VPS35L: variants seen among roughly 807,000 people sequenced by gnomAD.
VPS35L encodes the protein VPS35 endosomal protein sorting factor like, also known as VPS35 endosomal protein-sorting factor-like.
In VPS35L, 83 loss-of-function variants were observed where a neutral mutation model predicts 133.0. The observed-to-expected ratio is 0.62, with a 90% CI of 0.52 to 0.75. VPS35L has a LOEUF of 0.75. VPS35L is among the 30% of genes least tolerant of loss of function. The pLI, the probability that VPS35L is intolerant of heterozygous loss-of-function variation, is 0.00. For synonymous variants in VPS35L, 423 were observed against 449.9 expected (o/e 0.94, Z 0.76); for missense variants, 1,083 against 1,206.8 (o/e 0.90, Z 1.52).
chr16:19,700,505 C>A lies in VPS35L; in HGVS notation c.*29C>A. The A allele has an allele frequency of 6.4e-7, 1 of 1,569,590 alleles. No individual in the cohort carries two copies. The highest frequency in any genetic ancestry group is 8.8e-7 in the Non-Finnish European group (1 of 1,140,068). ...CCGGGCCCATCCCCAGGCTCAGGGA[C>A]TCTGGTGCCAAATCCAGAAAGATCT... On this transcript the variant is annotated 3_prime_UTR_variant, in exon 31 of 31. Transcript: ENST00000417362.
chr16:19,583,543 C>A (rs964410259), intron 7 of VPS35L, among the ~76,000 whole-genome samples: 2 of 151,968 alleles, frequency 1.3e-5, no homozygotes, highest in African/African-American at 4.8e-5. Flanking sequence ...CATTCAAAAT[C>A]TTCTCCTCTA....
At chr16:19,684,084 C>T (rs1975376915) in intron 28 of VPS35L, among the ~76,000 whole-genome samples, 1 of 152,176 alleles carries the variant, frequency 6.6e-6, no homozygotes, top group Non-Finnish European at 1.5e-5. Context: ...GCAACTGCTC[C>T]TCAGATGATG....
chr16:19,570,834 C>CTCATATAT (rs1971339682), intron 3 of VPS35L, among the ~76,000 whole-genome samples: 1 of 78,796 alleles, frequency 1.3e-5, no homozygotes, highest in African/African-American at 3.9e-5. Context: ...TGCTGTGTTT[C>CTCATATAT]ATATATATAT....
intron 1 of VPS35L, 89 bp from the exon 2 acceptor site, chr16:19,564,762 C>A: frequency 1.1e-6 from 1 of 894,862 alleles, no homozygotes; most frequent in Non-Finnish European, 1.8e-6. Flanking sequence ...CTGTTCTAAA[C>A]TACCTTGTCA....
chr16:19,675,553 T>TTTTTG (rs957564965), intron 27 of VPS35L, among the ~76,000 whole-genome samples: 5 of 151,914 alleles, frequency 3.3e-5, no homozygotes, highest in South Asian at 2.1e-4. Flanking sequence ...CTCCATACTG[T>TTTTTG]TTTTGTTTTG....
intron 3 of VPS35L, among the ~76,000 whole-genome samples, chr16:19,572,399 C>G (rs1264772193): frequency 6.6e-6 from 1 of 152,182 alleles, no homozygotes; most frequent in Non-Finnish European, 1.5e-5. Flanking sequence ...GCCTGGGCAA[C>G]AGAGCGAGAC....
intron 8 of VPS35L, among the ~76,000 whole-genome samples, chr16:19,600,883 A>T (rs1347275045): frequency 6.6e-6 from 1 of 152,174 alleles, no homozygotes; most frequent in Non-Finnish European, 1.5e-5. Context: ...ATTTTATGTG[A>T]AGAAGGAGAA....
chr16:19,695,323 AAAAT>A (rs1215120745), intron 29 of VPS35L, among the ~76,000 whole-genome samples: 4 of 152,254 alleles, frequency 2.6e-5, no homozygotes. Flanking sequence ...GCTTGCAAGA[AAAAT>A]AAAGCCCAGA....
At chr16:19,568,304 C>G (rs1318774856) in intron 2 of VPS35L, among the ~76,000 whole-genome samples, 5 of 151,920 alleles carry the variant, frequency 3.3e-5, no homozygotes, top group African/African-American at 9.7e-5. Flanking sequence ...AACCGCCCCC[C>G]CCTTTTTTTT....
intron 7 of VPS35L, among the ~76,000 whole-genome samples, chr16:19,584,425 G>A (rs1229689747): frequency 2.6e-5 from 4 of 151,636 alleles, no homozygotes; most frequent in African/African-American, 9.7e-5. Context: ...TCAGGAGTTC[G>A]AGACCAGCCT....
intron 8 of VPS35L, among the ~76,000 whole-genome samples, chr16:19,594,668 AAAAG>A (rs548590324): frequency 0.086 from 11,391 of 132,028 alleles, 773 homozygotes; most frequent in African/African-American, 0.12. Context: ...AAAAAAAAAA[AAAAG>A]AAGAGAAAAA....
At chr16:19,607,689 T>A (rs1024194744) in intron 9 of VPS35L, 6 of 154,038 alleles carry the variant, frequency 3.9e-5, no homozygotes, top group African/African-American at 1.2e-4. Context: ...CATTTCATGT[T>A]GCAGTCGCAG....
chr16:19,618,867 A>G (rs1161433908), intron 14 of VPS35L, among the ~76,000 whole-genome samples: 1 of 151,346 alleles, frequency 6.6e-6, no homozygotes, highest in Non-Finnish European at 1.5e-5. Context: ...ATGACAGAAC[A>G]TCACTGGAGT....
At chr16:19,662,872 C>T (rs564333083) in intron 26 of VPS35L, among the ~76,000 whole-genome samples, 1 of 152,132 alleles carries the variant, frequency 6.6e-6, no homozygotes, top group East Asian at 1.9e-4. Context: ...GCCTATAATC[C>T]CAGCTACTTG....
chr16:19,587,645 A>T (rs909393083), intron 7 of VPS35L, among the ~76,000 whole-genome samples: 1 of 152,114 alleles, frequency 6.6e-6, no homozygotes, highest in Non-Finnish European at 1.5e-5. Flanking sequence ...AAAAAAAAAA[A>T]AAAAAATTAA....
intron 9 of VPS35L, among the ~76,000 whole-genome samples, chr16:19,607,580 C>T (rs1051336812): frequency 5.9e-5 from 9 of 152,290 alleles, no homozygotes; most frequent in Admixed American, 3.9e-4. Context: ...TGGAGCCAGT[C>T]GTGAGCCGGC....
At chr16:19,698,668 G>A (rs1438224296) in intron 29 of VPS35L, among the ~76,000 whole-genome samples, 6 of 152,110 alleles carry the variant, frequency 3.9e-5, no homozygotes, top group Admixed American at 6.6e-5. Flanking sequence ...GCTCTTACAC[G>A]CATTCACTGT....
At chr16:19,638,386 C>T (rs1973685638) in intron 20 of VPS35L, among the ~76,000 whole-genome samples, 1 of 152,200 alleles carries the variant, frequency 6.6e-6, no homozygotes, top group African/African-American at 2.4e-5. Flanking sequence ...GTAGTATTGC[C>T]TTCTTATCCA....
At chr16:19,658,452 C>T (rs1411746561) in intron 26 of VPS35L, among the ~76,000 whole-genome samples, 1 of 152,130 alleles carries the variant, frequency 6.6e-6, no homozygotes, top group African/African-American at 2.4e-5. Flanking sequence ...ATCGCTTGAG[C>T]CTGGAGGGCA....
Sources: gnomAD v4.1 joint callset for allele counts (sites outside exome capture counted in the v4.1 genomes callset) on GRCh38, gnomAD v4.1.1 for gene constraint, MANE v1.5 for transcripts, NCBI Gene and HGNC (gene_info 2026-07-23, HGNC 2026-07-21) for gene names.